The following PTPRN2 variants were observed in gnomAD, a reference collection of about 807,000 sequenced individuals.
The protein encoded by PTPRN2 is receptor-type tyrosine-protein phosphatase N2.
Under a neutral mutation model 118.8 loss-of-function variants are expected in PTPRN2, and 74 were observed. That is an observed-to-expected ratio of 0.62 (90% CI 0.52 to 0.76). PTPRN2 has a LOEUF of 0.76. Among genes scored for constraint, PTPRN2 ranks in the 30% least tolerant of loss-of-function variants. The pLI, the probability that PTPRN2 is intolerant of heterozygous loss-of-function variation, is 0.00. For missense variants in PTPRN2, 1,481 were observed against 1,394.4 expected (o/e 1.06, Z -0.99); for synonymous variants, 641 against 608.0 (o/e 1.05, Z -0.80).
intron 11 of PTPRN2, among the ~76,000 whole-genome samples, chr7:157,928,491 A>G (rs951658453): frequency 6.6e-6 from 1 of 152,080 alleles, no homozygotes; most frequent in African/African-American, 2.4e-5. Context: ...GGAAAGCCTC[A>G]ACTGGCTCCC....
chr7:157,966,975 T>A (rs529381919), intron 11 of PTPRN2, among the ~76,000 whole-genome samples: 1 of 152,348 alleles, frequency 6.6e-6, no homozygotes, highest in Admixed American at 6.5e-5. Context: ...AGTATATTTG[T>A]TTTCTTTGGC....
rs865826044 is a variant in PTPRN2 at position 158,310,793 on chromosome 7, G to A, written c.277+6026C>T. Among the ~76,000 whole-genome samples, 102 of 146,476 alleles carry A rather than the reference G, an allele frequency of 7.0e-4. 2 individuals carry two copies. Among genetic ancestry groups the A allele is most frequent in the African/African-American group, 2.4e-3 (93 of 39,206 alleles). On this transcript the variant is annotated intron_variant, in intron 3 of 22. Transcript: ENST00000389418. ...TCCCACGGAGGGCGAGCCCTGAGCC[G>A]GACAGAGCGCAAGTCCCACGGAGGG...
chr7:158,249,203 T>G (rs145024824), intron 3 of PTPRN2, among the ~76,000 whole-genome samples: 2 of 151,832 alleles, frequency 1.3e-5, no homozygotes, highest in Non-Finnish European at 2.9e-5. Flanking sequence ...ATCACACACA[T>G]GCACACCATA....
chr7:157,670,241 G>A (rs572516012), intron 13 of PTPRN2, among the ~76,000 whole-genome samples: 3 of 152,286 alleles, frequency 2.0e-5, no homozygotes, highest in Admixed American at 6.5e-5. Flanking sequence ...CAGAAGGCAC[G>A]TACGGGCTCA....
chr7:157,924,533 G>C (rs1042815439), intron 11 of PTPRN2, among the ~76,000 whole-genome samples: 2 of 152,270 alleles, frequency 1.3e-5, no homozygotes, highest in African/African-American at 4.8e-5. Context: ...CCCAGAGTCA[G>C]AGCTGGTTCC....
At chr7:157,593,075 G>C (rs1801089506) in intron 17 of PTPRN2, among the ~76,000 whole-genome samples, 2 of 150,854 alleles carry the variant, frequency 1.3e-5, no homozygotes, top group Non-Finnish European at 3.0e-5. Flanking sequence ...TGGTCGTTGA[G>C]TGTGGATGCC....
At chr7:158,110,968 GA>G in intron 9 of PTPRN2, 53 bp from the exon 10 acceptor site, 5 of 1,456,378 alleles carry the variant, frequency 3.4e-6, no homozygotes, top group Non-Finnish European at 4.6e-6. Context: ...AGCAGTCCTG[GA>G]GAACTAAAGC....
At chr7:158,319,931 TCA>T (rs777878109) in intron 2 of PTPRN2, among the ~76,000 whole-genome samples, 1 of 22,952 alleles carries the variant, frequency 4.4e-5, no homozygotes, top group African/African-American at 2.0e-4. Context: ...ACAGCCTCCC[TCA>T]CACACACACA....
chr7:157,890,659 T>C (rs1415747137), intron 12 of PTPRN2, among the ~76,000 whole-genome samples: 2 of 152,106 alleles, frequency 1.3e-5, no homozygotes, highest in Non-Finnish European at 2.9e-5. Context: ...AACAACAAAA[T>C]AATAGGACTT....
intron 2 of PTPRN2, among the ~76,000 whole-genome samples, chr7:158,458,159 ATCCTCCGAGCTTGGCCTGTGCTCCGCT>A (rs770688731): frequency 6.6e-6 from 1 of 152,064 alleles, no homozygotes; most frequent in Non-Finnish European, 1.5e-5. Flanking sequence ...AAAATCCCCC[ATCCTCCGAGCTTGGCCTGTGCTCCGCT>A]TCCTCCTTTC....
intron 6 of PTPRN2, 83 bp from the exon 7 acceptor site, chr7:158,138,598 G>A (rs969022993): frequency 1.5e-6 from 2 of 1,310,698 alleles, no homozygotes; most frequent in Admixed American, 2.0e-5. Context: ...GGGTGTGGTG[G>A]GCGTCTGCGG....
intron 2 of PTPRN2, among the ~76,000 whole-genome samples, chr7:158,355,974 C>A (rs562036532): frequency 6.6e-6 from 1 of 152,198 alleles, no homozygotes; most frequent in Non-Finnish European, 1.5e-5. Context: ...AGCCTAGCAG[C>A]CGTCATGGGC....
chr7:158,495,489 G>C (rs930957836), intron 1 of PTPRN2, among the ~76,000 whole-genome samples: 1 of 151,996 alleles, frequency 6.6e-6, no homozygotes, highest in African/African-American at 2.4e-5. Flanking sequence ...CCCACTGCAG[G>C]GGGGGTAAGA....
chr7:158,252,540 T>G (rs1585991630), intron 3 of PTPRN2, among the ~76,000 whole-genome samples: 1 of 152,180 alleles, frequency 6.6e-6, no homozygotes, highest in South Asian at 2.1e-4. Context: ...CCTGCACCAG[T>G]TACCAAAGAC....
At chr7:158,364,215 A>C (rs1809248949) in intron 2 of PTPRN2, among the ~76,000 whole-genome samples, 1 of 142,340 alleles carries the variant, frequency 7.0e-6, no homozygotes, top group Non-Finnish European at 1.5e-5. Context: ...CCCCATCCTC[A>C]CTTCACCTGC....
At chr7:157,556,556 CAT>C (rs777396912) in intron 21 of PTPRN2, among the ~76,000 whole-genome samples, 1 of 149,834 alleles carries the variant, frequency 6.7e-6, no homozygotes, top group Non-Finnish European at 1.5e-5. Context: ...TCACGTCATA[CAT>C]ATGTACATGC....
intron 3 of PTPRN2, among the ~76,000 whole-genome samples, chr7:158,297,254 A>G (rs1349469158): frequency 6.6e-6 from 1 of 152,178 alleles, no homozygotes; most frequent in African/African-American, 2.4e-5. Context: ...ATTCAGAGAG[A>G]GCTGCTAACT....
At position 157,785,202 on chromosome 7, in the gene PTPRN2, G is replaced by A. The variant is rs997144324; in HGVS notation, c.1789-102265C>T. On this transcript the variant is annotated intron_variant, in intron 12 of 22. Coordinates refer to ENST00000389418, the MANE Select transcript of PTPRN2 (RefSeq NM_002847.5). The surrounding 1 kb of genome is among the most constrained non-coding windows in gnomAD (Gnocchi z 7.3). ...GCTCTGGCATGGAGCAGGATAACCC[G>A]GGCCCACGTGGGGACACGCCCCGCC... Among the ~76,000 whole-genome samples the A allele has an allele frequency of 7.9e-5, 12 of 152,002 alleles. No homozygotes were observed. The highest frequency in any genetic ancestry group is 1.9e-4 in the East Asian group (1 of 5,146).
At chr7:158,164,934 C>G (rs1053422797) in intron 6 of PTPRN2, among the ~76,000 whole-genome samples, 8 of 152,030 alleles carry the variant, frequency 5.3e-5, no homozygotes, top group Non-Finnish European at 1.2e-4. Context: ...TGGAGGAGAA[C>G]AGGAAGCTCG....
Sources: allele counts gnomAD v4.1 joint callset (sites outside exome capture counted in the v4.1 genomes callset), GRCh38; gene constraint gnomAD v4.1.1; non-coding constraint Gnocchi (gnomAD v3.1); transcripts MANE v1.5; gene names NCBI Gene and HGNC (gene_info 2026-07-23, HGNC 2026-07-21).